DLGAP2: variants seen among roughly 807,000 people sequenced by gnomAD.
The protein encoded by DLGAP2 is disks large-associated protein 2.
In DLGAP2, 26 loss-of-function variants were observed where a neutral mutation model predicts 100.3. The ratio of observed to expected loss-of-function variants is 0.26; its 90% CI spans 0.19 to 0.36. DLGAP2 has a LOEUF of 0.36. Among genes scored for constraint, DLGAP2 ranks in the 10% least tolerant of loss-of-function variants. DLGAP2 has a pLI of 1.00. For missense variants in DLGAP2, 1,858 were observed against 1,453.2 expected (o/e 1.28, Z -4.53); for synonymous variants, 886 against 630.1 (o/e 1.41, Z -6.08).
At chr8:1,137,929 T>C (rs897035541) in intron 2 of DLGAP2, among the ~76,000 whole-genome samples, 3 of 152,166 alleles carry the variant, frequency 2.0e-5, no homozygotes, top group Admixed American at 2.0e-4. Context: ...TAGCTGGGAC[T>C]GCAGGCATGG....
chr8:1,494,400 C>G (rs114966176), intron 3 of DLGAP2, among the ~76,000 whole-genome samples: 1,531 of 152,274 alleles, frequency 0.01, 27 homozygotes, highest in African/African-American at 0.035. Flanking sequence ...CTTCCCAAAC[C>G]TTGCAGTTGG....
chr8:1,469,918 G>A lies in DLGAP2; in HGVS notation c.107-31448G>A, dbSNP rs181671181. Among the ~76,000 whole-genome samples, 57 of 152,068 alleles carry A rather than the reference G, an allele frequency of 3.7e-4. 1 individual carries two copies. Among genetic ancestry groups the A allele is most frequent in the Non-Finnish European group, 4.4e-5 (3 of 67,998 alleles). On this transcript the variant is annotated intron_variant, in intron 3 of 14. Coordinates refer to ENST00000637795, the MANE Select transcript of DLGAP2 (RefSeq NM_001346810.2). Reference sequence around the variant, plus strand: ...ATGCCTGTAATCCCACACTTTGGGAGGCTGAGGCAGGAGGATTGCTTGAGC... The same window carrying A: ...ATGCCTGTAATCCCACACTTTGGGAAGCTGAGGCAGGAGGATTGCTTGAGC...
intron 1 of DLGAP2, among the ~76,000 whole-genome samples, chr8:770,407 T>G (rs1821326937): frequency 6.6e-6 from 1 of 152,204 alleles, no homozygotes; most frequent in African/African-American, 2.4e-5. Context: ...GTCTGTGACT[T>G]AAGACTTTCT....
chr8:785,564 C>G (rs56038048), intron 1 of DLGAP2, among the ~76,000 whole-genome samples: 1 of 142,862 alleles, frequency 7.0e-6, no homozygotes, highest in Non-Finnish European at 1.5e-5. Context: ...TGAGACCGGC[C>G]TCCCTCCCCT....
At chr8:1,645,553 C>G (rs1021666517) in intron 8 of DLGAP2, among the ~76,000 whole-genome samples, 2 of 152,094 alleles carry the variant, frequency 1.3e-5, no homozygotes, top group South Asian at 2.1e-4. Context: ...TATTTTTTCC[C>G]TGTAATGATG....
At chr8:1,255,383 G>C (rs1225324541) in intron 2 of DLGAP2, among the ~76,000 whole-genome samples, 5 of 124,318 alleles carry the variant, frequency 4.0e-5, no homozygotes, top group South Asian at 3.0e-4. Flanking sequence ...TCCTGCCCGG[G>C]TGCTGTGTGT....
intron 2 of DLGAP2, among the ~76,000 whole-genome samples, chr8:916,590 G>A (rs954094159): frequency 6.6e-6 from 1 of 151,992 alleles, no homozygotes; most frequent in Non-Finnish European, 1.5e-5. Flanking sequence ...ACACCAACAT[G>A]GCACATGTAT....
intron 3 of DLGAP2, among the ~76,000 whole-genome samples, chr8:1,468,249 T>G (rs190922744): frequency 1.4e-5 from 2 of 147,070 alleles, no homozygotes; most frequent in African/African-American, 5.1e-5. Context: ...CTGAGAATTG[T>G]GCCCTGTTCA....
intron 2 of DLGAP2, among the ~76,000 whole-genome samples, chr8:1,096,533 G>C (rs568546758): frequency 2.0e-5 from 3 of 151,744 alleles, no homozygotes; most frequent in Non-Finnish European, 4.4e-5. Context: ...CCCCTCCAGC[G>C]TGAGGCCCAC....
chr8:1,606,870 A>T (rs913724203), intron 6 of DLGAP2, among the ~76,000 whole-genome samples: 2 of 152,144 alleles, frequency 1.3e-5, no homozygotes, highest in African/African-American at 4.8e-5. Flanking sequence ...TTTTTGGTAG[A>T]GACGAGATTT....
At chr8:1,477,584 G>A (rs888063790) in intron 3 of DLGAP2, among the ~76,000 whole-genome samples, 2 of 152,202 alleles carry the variant, frequency 1.3e-5, no homozygotes, top group African/African-American at 4.8e-5. Flanking sequence ...GTCTACTGTG[G>A]TTCCTAATTC....
In DLGAP2 at chr8:1,701,585, G is replaced by C; in HGVS notation, c.*179G>C. 4.6e-6 allele frequency: 3 copies of C among 657,204 alleles called. No homozygotes were observed. The South Asian group carries it at 6.0e-5, about 13-fold the overall frequency. The allele number at this position is 657,204 out of a possible 1,614,324, so 40.7% of individuals were successfully genotyped here. On this transcript the variant is annotated 3_prime_UTR_variant, in exon 15 of 15. Transcript: ENST00000637795. ...GGCCTCAGAGTCCACGGAGCTCGCGGCGAGGACGACTTCTGCTTTTGTTGT... is the reference window on the plus strand; with the variant it reads ...GGCCTCAGAGTCCACGGAGCTCGCGCCGAGGACGACTTCTGCTTTTGTTGT...
In DLGAP2 at chr8:1,372,163, G is replaced by T. The variant is rs544616318; in HGVS notation, c.106+113280G>T. Among the ~76,000 whole-genome samples, 10 of 152,218 alleles carry T rather than the reference G, an allele frequency of 6.6e-5. No individual in the cohort carries two copies. In the South Asian group the frequency reaches 1.5e-3, roughly 22 times the overall value. Reference sequence around the variant, plus strand: ...ACACAGGTGATAGGGTGGGTGGGGCGCAGGTCACCGTGGCGCCAACGCTGG... The same window carrying T: ...ACACAGGTGATAGGGTGGGTGGGGCTCAGGTCACCGTGGCGCCAACGCTGG... On this transcript the variant is annotated intron_variant, in intron 3 of 14. Transcript: ENST00000637795.
chr8:1,597,796 C>A (rs1185369531), intron 6 of DLGAP2, among the ~76,000 whole-genome samples: 1 of 152,202 alleles, frequency 6.6e-6, no homozygotes, highest in African/African-American at 2.4e-5. Context: ...TCTACATATA[C>A]AATCATGTCA....
chr8:1,535,396 C>G (rs940687560), intron 4 of DLGAP2, among the ~76,000 whole-genome samples: 1 of 152,202 alleles, frequency 6.6e-6, no homozygotes, highest in Non-Finnish European at 1.5e-5. Context: ...ATGAAATGCG[C>G]TTGCCTGGCC....
chr8:1,534,783 CGT>C (rs757435405), intron 4 of DLGAP2, among the ~76,000 whole-genome samples: 1 of 148,128 alleles, frequency 6.8e-6, no homozygotes, highest in African/African-American at 2.4e-5. Flanking sequence ...TGCACGTGTA[CGT>C]GTGTGAGTGT....
chr8:1,006,746 G>T (rs1203236367), intron 2 of DLGAP2, among the ~76,000 whole-genome samples: 1 of 110,230 alleles, frequency 9.1e-6, no homozygotes, highest in South Asian at 4.0e-4. Flanking sequence ...CAAGTCTCAG[G>T]ATGTGGTCCT....
At chr8:1,198,526 A>C (rs1797802344) in intron 2 of DLGAP2, among the ~76,000 whole-genome samples, 1 of 152,088 alleles carries the variant, frequency 6.6e-6, no homozygotes, top group Non-Finnish European at 1.5e-5. Flanking sequence ...GCTCGGGGGA[A>C]GGGGCTGCGA....
intron 2 of DLGAP2, among the ~76,000 whole-genome samples, chr8:1,216,366 A>T (rs1317131945): frequency 6.6e-6 from 1 of 151,936 alleles, no homozygotes; most frequent in Non-Finnish European, 1.5e-5. Flanking sequence ...TTTTTTTGTA[A>T]GGGGCAGGGT....
Sources: gnomAD v4.1 joint callset for allele counts (sites outside exome capture counted in the v4.1 genomes callset) on GRCh38, gnomAD v4.1.1 for gene constraint, MANE v1.5 for transcripts, NCBI Gene and HGNC (gene_info 2026-07-23, HGNC 2026-07-21) for gene names.